The following BMAL1 variants were observed in gnomAD, a reference collection of about 807,000 sequenced individuals.
The protein encoded by BMAL1 is basic helix-loop-helix ARNT like 1.
At chr11:13,372,371 G>A in the BMAL1 span, 3 of 1,614,142 alleles carry the variant, frequency 1.9e-6, no homozygotes, top group Middle Eastern at 1.6e-4. Context: ...ATGTTTCTCG[G>A]CACGCGATAG....
chr11:13,311,489 G>A, the BMAL1 span, among the ~76,000 whole-genome samples: 1 of 152,190 alleles, frequency 6.6e-6, no homozygotes, highest in African/African-American at 2.4e-5. Flanking sequence ...TGTCACAAGA[G>A]GGGAAGGGAA....
chr11:13,378,594 A>T, the BMAL1 span: 3 of 1,036,580 alleles, frequency 2.9e-6, no homozygotes, highest in Non-Finnish European at 2.8e-6. Flanking sequence ...CTGTGGATAG[A>T]GACCAGGGAT....
the BMAL1 span, among the ~76,000 whole-genome samples, chr11:13,377,542 C>T: frequency 6.6e-6 from 1 of 152,216 alleles, no homozygotes; most frequent in Admixed American, 6.5e-5. Context: ...CCTCTCCCCA[C>T]CCCATCCTCC....
the BMAL1 span, among the ~76,000 whole-genome samples, chr11:13,352,842 G>A: frequency 1.3e-5 from 2 of 152,152 alleles, no homozygotes; most frequent in African/African-American, 4.8e-5. Context: ...CCAGAGAGGG[G>A]TAGTGACAGC....
the BMAL1 span, among the ~76,000 whole-genome samples, chr11:13,310,529 G>A: frequency 1.3e-5 from 2 of 152,196 alleles, no homozygotes; most frequent in Non-Finnish European, 2.9e-5. Flanking sequence ...TAGTCCATCA[G>A]CAAACTTTTT....
At chr11:13,378,552 A>G in the BMAL1 span, 31 of 1,477,808 alleles carry the variant, frequency 2.1e-5, no homozygotes, top group East Asian at 7.2e-4. Context: ...TTTGGTCTTC[A>G]CAACTGGGTG....
the BMAL1 span, among the ~76,000 whole-genome samples, chr11:13,286,809 A>G: frequency 6.6e-6 from 1 of 152,144 alleles, no homozygotes; most frequent in Non-Finnish European, 1.5e-5. Flanking sequence ...TTTCTTTTTA[A>G]CTCTTAGGGA....
chr11:13,383,500 C>A, the BMAL1 span, among the ~76,000 whole-genome samples: 1 of 152,068 alleles, frequency 6.6e-6, no homozygotes, highest in Non-Finnish European at 1.5e-5. Flanking sequence ...TCATTGTATT[C>A]TTCACCACCA....
At chr11:13,355,183 C>T in the BMAL1 span, 25 of 1,544,218 alleles carry the variant, frequency 1.6e-5, no homozygotes, top group South Asian at 6.8e-5. Flanking sequence ...GGAAAATCTC[C>T]GAGGAGGTAT....
the BMAL1 span, among the ~76,000 whole-genome samples, chr11:13,338,220 G>C: frequency 2.6e-5 from 4 of 151,544 alleles, no homozygotes; most frequent in Admixed American, 6.6e-5. Flanking sequence ...GCCAGAAGGA[G>C]ACAAATGAAG....
chr11:13,307,616 T>C, the BMAL1 span, among the ~76,000 whole-genome samples: 1 of 152,248 alleles, frequency 6.6e-6, no homozygotes, highest in Non-Finnish European at 1.5e-5. Flanking sequence ...CTATTAAGTG[T>C]TGGCAGACTC....
chr11:13,374,086 C>G, the BMAL1 span: 1 of 1,609,968 alleles, frequency 6.2e-7, no homozygotes, highest in African/African-American at 1.3e-5. Flanking sequence ...TTCCTTTATT[C>G]CCTTTTAGGG....
At chr11:13,332,043 A>G in the BMAL1 span, among the ~76,000 whole-genome samples, 1 of 152,176 alleles carries the variant, frequency 6.6e-6, no homozygotes, top group Admixed American at 6.5e-5. Flanking sequence ...AGGAAGACGT[A>G]CTAGGATTTG....
At chr11:13,290,063 A>G in the BMAL1 span, among the ~76,000 whole-genome samples, 1 of 152,144 alleles carries the variant, frequency 6.6e-6, no homozygotes, top group African/African-American at 2.4e-5. Context: ...TGACTTTTTA[A>G]TGATCACCAT....
chr11:13,356,720 TTC>T, the BMAL1 span: 1 of 1,614,076 alleles, frequency 6.2e-7, no homozygotes, highest in Non-Finnish European at 8.5e-7. Flanking sequence ...TGCAGTCACA[TTC>T]TCTTTTGTTT....
chr11:13,386,072 A>AT, the BMAL1 span, among the ~76,000 whole-genome samples: 43 of 152,362 alleles, frequency 2.8e-4, no homozygotes, highest in African/African-American at 1.0e-3. Context: ...GAGAAGGCTA[A>AT]TGAAGGTTCA....
the BMAL1 span, among the ~76,000 whole-genome samples, chr11:13,313,122 A>G: frequency 2.0e-5 from 3 of 152,210 alleles, no homozygotes; most frequent in Non-Finnish European, 2.9e-5. Flanking sequence ...GCCATTGCCA[A>G]TGCCCAGCTG....
chr11:13,314,142 A>C, the BMAL1 span, among the ~76,000 whole-genome samples: 1 of 151,124 alleles, frequency 6.6e-6, no homozygotes, highest in Non-Finnish European at 1.5e-5. Context: ...GAACACCCTC[A>C]TGTCTCTCTT....
chr11:13,385,058 G>A, the BMAL1 span, among the ~76,000 whole-genome samples: 1 of 152,084 alleles, frequency 6.6e-6, no homozygotes. Flanking sequence ...GTTTCCTCAC[G>A]TATATCCAGA....
Sources: allele counts gnomAD v4.1 joint callset (sites outside exome capture counted in the v4.1 genomes callset), GRCh38; gene constraint gnomAD v4.1.1; transcripts MANE v1.5; gene names NCBI Gene and HGNC (gene_info 2026-07-23, HGNC 2026-07-21).